Variants in CFAP61 observed in about 807,000 individuals in gnomAD.
CFAP61 encodes the protein cilia- and flagella-associated protein 61.
Under a neutral mutation model 135.6 loss-of-function variants are expected in CFAP61, and 107 were observed. The observed-to-expected ratio is 0.79, with a 90% confidence interval of 0.67 to 0.93. The LOEUF (loss-of-function observed/expected upper bound fraction) is 0.93, where lower values mean the gene tolerates loss of function less well. Among genes scored for constraint, CFAP61 ranks in the 40% least tolerant of loss-of-function variants. The pLI, the probability that CFAP61 is intolerant of heterozygous loss-of-function variation, is 0.00. For missense variants in CFAP61, 1,507 were observed against 1,556.2 expected (o/e 0.97, Z 0.53); for synonymous variants, 575 against 578.5 (o/e 0.99, Z 0.09).
At chr20:20,100,677 A>T (rs1202691128) in intron 8 of CFAP61, among the ~76,000 whole-genome samples, 1 of 152,218 alleles carries the variant, frequency 6.6e-6, no homozygotes, top group African/African-American at 2.4e-5. Context: ...GAAAAGATGT[A>T]GTCCCTTCCA....
chr20:20,114,414 A>G (rs368005360), intron 8 of CFAP61, among the ~76,000 whole-genome samples: 2 of 152,312 alleles, frequency 1.3e-5, no homozygotes, highest in South Asian at 2.1e-4. Flanking sequence ...ATAGCCCACA[A>G]TTTATTTATT....
At chr20:20,209,692 A>C (rs972778394) in intron 17 of CFAP61, among the ~76,000 whole-genome samples, 4 of 152,128 alleles carry the variant, frequency 2.6e-5, no homozygotes, top group Non-Finnish European at 5.9e-5. Context: ...TAATCATTTA[A>C]TGTTTACATT....
chr20:20,215,087 C>T (rs574326863), intron 17 of CFAP61: 1 of 152,322 alleles, frequency 6.6e-6, no homozygotes, highest in South Asian at 2.1e-4. Context: ...TTTCCTCTTG[C>T]TTGGTGATCA....
intron 25 of CFAP61, among the ~76,000 whole-genome samples, chr20:20,312,596 TCAG>T: frequency 6.6e-6 from 1 of 151,752 alleles, no homozygotes; most frequent in Admixed American, 6.6e-5. Context: ...TCTGAGAAGC[TCAG>T]TGAATCTCAA....
intron 20 of CFAP61, among the ~76,000 whole-genome samples, chr20:20,255,182 A>G (rs538637287): frequency 6.6e-6 from 1 of 152,286 alleles, no homozygotes; most frequent in Non-Finnish European, 1.5e-5. Flanking sequence ...CCTCCAATCA[A>G]TGTTGATCAT....
intron 25 of CFAP61, among the ~76,000 whole-genome samples, chr20:20,334,349 A>T (rs1234677872): frequency 6.6e-6 from 1 of 151,824 alleles, no homozygotes; most frequent in Admixed American, 6.6e-5. Context: ...CTGGTCTCGA[A>T]CTCCTGACCT....
chr20:20,260,630 A>T (rs2052092475), intron 20 of CFAP61, among the ~76,000 whole-genome samples: 1 of 152,214 alleles, frequency 6.6e-6, no homozygotes, highest in African/African-American at 2.4e-5. Flanking sequence ...TTACATTTCA[A>T]GATTGTAGTG....
chr20:20,241,156 C>T (rs1056301600), intron 18 of CFAP61, among the ~76,000 whole-genome samples: 15 of 152,116 alleles, frequency 9.9e-5, no homozygotes, highest in Admixed American at 7.2e-4. Context: ...TCTCTTCTGA[C>T]TCAGGGGAAT....
At chr20:20,086,422 T>G (rs934570405) in intron 6 of CFAP61, among the ~76,000 whole-genome samples, 9 of 149,682 alleles carry the variant, frequency 6.0e-5, no homozygotes, top group African/African-American at 2.2e-4. Context: ...CAGTGTTTGG[T>G]TTTTTTGTCC....
intron 9 of CFAP61, among the ~76,000 whole-genome samples, chr20:20,156,243 CA>C (rs2052898169): frequency 6.6e-6 from 1 of 151,990 alleles, no homozygotes; most frequent in East Asian, 1.9e-4. Flanking sequence ...TCTAGGAATG[CA>C]AGTTTGGTTT....
chr20:20,248,434 C>T (rs908083812), intron 19 of CFAP61, among the ~76,000 whole-genome samples: 2 of 152,142 alleles, frequency 1.3e-5, no homozygotes, highest in African/African-American at 2.4e-5. Flanking sequence ...TTGTCGTTAA[C>T]CATTGTTTTA....
intron 18 of CFAP61, among the ~76,000 whole-genome samples, chr20:20,235,053 G>A (rs1272779945): frequency 6.6e-6 from 1 of 152,098 alleles, no homozygotes; most frequent in Non-Finnish European, 1.5e-5. Flanking sequence ...AAGTGGCTGG[G>A]GAGCTGGAGT....
intron 25 of CFAP61, among the ~76,000 whole-genome samples, chr20:20,334,052 C>T (rs1286362128): frequency 6.6e-6 from 1 of 152,216 alleles, no homozygotes; most frequent in Non-Finnish European, 1.5e-5. Context: ...CCTTGCAAAG[C>T]AGTGCCTCCC....
At chr20:20,111,735 T>C (rs1338309243) in intron 8 of CFAP61, among the ~76,000 whole-genome samples, 1 of 152,130 alleles carries the variant, frequency 6.6e-6, no homozygotes, top group African/African-American at 2.4e-5. Flanking sequence ...AAAAGCATAA[T>C]GTACGAAATT....
chr20:20,112,155 C>A (rs2048844564), intron 8 of CFAP61, among the ~76,000 whole-genome samples: 1 of 152,012 alleles, frequency 6.6e-6, no homozygotes, highest in African/African-American at 2.4e-5. Flanking sequence ...ATAAAAATAG[C>A]AAAATTGATG....
intron 25 of CFAP61, among the ~76,000 whole-genome samples, chr20:20,319,622 A>T (rs1159838075): frequency 1.3e-5 from 2 of 152,138 alleles, no homozygotes; most frequent in South Asian, 2.1e-4. Context: ...GCCTCCCTAG[A>T]TATGCTTCCT....
At chr20:20,153,978 C>T (rs748844078) in intron 9 of CFAP61, among the ~76,000 whole-genome samples, 13 of 152,028 alleles carry the variant, frequency 8.6e-5, no homozygotes, top group Non-Finnish European at 1.5e-4. Context: ...GCTAGCTAAC[C>T]ATATCCAACA....
At chr20:20,186,219 C>G (rs112378614) in intron 13 of CFAP61, among the ~76,000 whole-genome samples, 1,533 of 152,328 alleles carry the variant, frequency 0.01, 23 homozygotes, top group African/African-American at 0.035. Flanking sequence ...AACCCACTTT[C>G]TATCATTGTA....
intron 13 of CFAP61, among the ~76,000 whole-genome samples, chr20:20,175,388 C>T (rs539131903): frequency 6.6e-5 from 10 of 152,234 alleles, no homozygotes; most frequent in Non-Finnish European, 1.3e-4. Context: ...AAGGCCCTGC[C>T]CCAGGTTTTC....
Sources: gnomAD v4.1 joint callset for allele counts (sites outside exome capture counted in the v4.1 genomes callset) on GRCh38, gnomAD v4.1.1 for gene constraint, MANE v1.5 for transcripts, NCBI Gene and HGNC (gene_info 2026-07-23, HGNC 2026-07-21) for gene names.